The following KCNN2 variants were observed in gnomAD, a reference collection of about 807,000 sequenced individuals.
The protein encoded by KCNN2 is potassium calcium-activated channel subfamily N member 2, also known as small conductance calcium-activated potassium channel protein 2.
KCNN2 carries 24 observed loss-of-function variants against 55.5 expected under a neutral mutation model. The ratio of observed to expected loss-of-function variants is 0.43; its 90% CI spans 0.31 to 0.61. The LOEUF is 0.61. KCNN2 is among the 20% of genes least tolerant of loss of function. The pLI, the probability that KCNN2 is intolerant of heterozygous loss-of-function variation, is 0.08. For synonymous variants in KCNN2, 431 were observed against 336.1 expected (o/e 1.28, Z -3.09); for missense variants, 754 against 853.6 (o/e 0.88, Z 1.45).
intron 5 of KCNN2, among the ~76,000 whole-genome samples, chr5:114,479,389 C>G (rs1762120800): frequency 6.6e-6 from 1 of 152,142 alleles, no homozygotes; most frequent in Non-Finnish European, 1.5e-5. Flanking sequence ...GCACCCAATA[C>G]AGGAACACCC....
intron 2 of KCNN2, among the ~76,000 whole-genome samples, chr5:114,295,589 A>G (rs924751334): frequency 1.3e-5 from 2 of 152,280 alleles, no homozygotes; most frequent in East Asian, 3.9e-4. Flanking sequence ...CAGATTTTCC[A>G]GGTGCCATCT....
chr5:114,470,259 A>G (rs1026740508), intron 4 of KCNN2, among the ~76,000 whole-genome samples: 6 of 152,154 alleles, frequency 3.9e-5, no homozygotes, highest in African/African-American at 1.2e-4. Flanking sequence ...CCAGGGGAGA[A>G]CAATATTCAA....
At chr5:114,098,644 G>A (rs773213774) in intron 1 of KCNN2, among the ~76,000 whole-genome samples, 27 of 151,664 alleles carry the variant, frequency 1.8e-4, no homozygotes, top group South Asian at 4.2e-4. Flanking sequence ...TGTCTCCCAC[G>A]AAACTGGTCC....
rs1760605485 is a variant in KCNN2, at chr5:114,450,075, AC to A, written c.1638-12972del. Among the ~76,000 whole-genome samples, 3 of 152,164 alleles carry A rather than the reference AC, an allele frequency of 2.0e-5. No individual in the cohort carries two copies. The South Asian group carries it at 6.2e-4, about 32-fold the overall frequency. On this transcript the variant is annotated intron_variant, in intron 3 of 7. Coordinates refer to ENST00000673685, the MANE Select transcript of KCNN2 (RefSeq NM_021614.4). ...GGGGATAAACTGGTGTGGCACTGCC[AC>A]CTAGTGACTGCCCGCCACACCGTTC...
At chr5:114,321,670 GT>G (rs1756616592) in intron 2 of KCNN2, among the ~76,000 whole-genome samples, 1 of 149,986 alleles carries the variant, frequency 6.7e-6, no homozygotes, top group Admixed American at 6.6e-5. Context: ...TTTTGTTGTT[GT>G]TTGTTTGTTT....
At chr5:114,372,395 A>G (rs1561592378) in intron 2 of KCNN2, among the ~76,000 whole-genome samples, 1 of 152,128 alleles carries the variant, frequency 6.6e-6, no homozygotes, top group Non-Finnish European at 1.5e-5. Flanking sequence ...ACATTTCTCT[A>G]GTTTGTGTAC....
intron 1 of KCNN2, among the ~76,000 whole-genome samples, chr5:114,099,679 A>G (rs1751335297): frequency 6.6e-6 from 1 of 152,078 alleles, no homozygotes; most frequent in Admixed American, 6.6e-5. Flanking sequence ...TTCATTGGCA[A>G]TTGTGCTATT....
chr5:114,248,949 A>G (rs1465266526), intron 2 of KCNN2, among the ~76,000 whole-genome samples: 1 of 152,212 alleles, frequency 6.6e-6, no homozygotes, highest in Non-Finnish European at 1.5e-5. Flanking sequence ...CAATTATGCC[A>G]TGACAGCAGG....
intron 4 of KCNN2, among the ~76,000 whole-genome samples, chr5:114,467,315 T>C (rs1257197076): frequency 2.6e-5 from 4 of 152,206 alleles, no homozygotes; most frequent in African/African-American, 9.6e-5. Flanking sequence ...CATTTGAGGA[T>C]TTGTTTTCCC....
At chr5:114,284,778 A>G (rs1183713819) in intron 2 of KCNN2, among the ~76,000 whole-genome samples, 1 of 151,614 alleles carries the variant, frequency 6.6e-6, no homozygotes, top group Admixed American at 6.6e-5. Flanking sequence ...TTAGCCTCCC[A>G]AAGTGCTAGG....
intron 3 of KCNN2, among the ~76,000 whole-genome samples, chr5:114,432,452 A>C (rs1418812716): frequency 1.3e-5 from 2 of 152,072 alleles, no homozygotes; most frequent in African/African-American, 4.8e-5. Flanking sequence ...CTTTTAATTC[A>C]TATGTGTCTT....
chr5:114,249,954 G>T (rs1754826086), intron 2 of KCNN2, among the ~76,000 whole-genome samples: 1 of 152,050 alleles, frequency 6.6e-6, no homozygotes, highest in Admixed American at 6.6e-5. Context: ...CATATGATAC[G>T]TATAACATTC....
intron 2 of KCNN2, among the ~76,000 whole-genome samples, chr5:114,325,992 G>T (rs898816679): frequency 2.6e-5 from 4 of 152,322 alleles, no homozygotes; most frequent in Non-Finnish European, 5.9e-5. Context: ...GCAGTTAAAT[G>T]CATGAATTCT....
chr5:114,337,105 T>G (rs1327296029), intron 2 of KCNN2, among the ~76,000 whole-genome samples: 1 of 152,210 alleles, frequency 6.6e-6, no homozygotes, highest in African/African-American at 2.4e-5. Context: ...TAAGAAGTTG[T>G]TGCAGTCATC....
At chr5:114,093,162 G>A (rs537667337) in intron 1 of KCNN2, among the ~76,000 whole-genome samples, 1 of 152,058 alleles carries the variant, frequency 6.6e-6, no homozygotes, top group East Asian at 1.9e-4. Context: ...ACTCTCTCAA[G>A]TTCAAGTTCT....
intron 2 of KCNN2, among the ~76,000 whole-genome samples, chr5:114,232,922 C>CTCGTTTTTTTTT (rs200715120): frequency 0.022 from 973 of 43,982 alleles, 2 homozygotes; most frequent in South Asian, 0.037. Context: ...TATATTGTTT[C>CTCGTTTTTTTTT]TTGTTTTTTT....
intron 2 of KCNN2, among the ~76,000 whole-genome samples, chr5:114,279,437 C>A (rs1213768093): frequency 6.6e-6 from 1 of 152,066 alleles, no homozygotes; most frequent in Non-Finnish European, 1.5e-5. Context: ...TCTCCTAATG[C>A]TATCCCTCCC....
intron 1 of KCNN2, among the ~76,000 whole-genome samples, chr5:114,109,788 G>C (rs183207285): frequency 4.6e-5 from 7 of 152,142 alleles, no homozygotes; most frequent in African/African-American, 7.2e-5. Flanking sequence ...TCACCATCTG[G>C]GGATGTGTTC....
At chr5:114,417,758 C>A (rs970439102) in intron 3 of KCNN2, among the ~76,000 whole-genome samples, 1 of 152,144 alleles carries the variant, frequency 6.6e-6, no homozygotes, top group African/African-American at 2.4e-5. Context: ...GAGATGAGTT[C>A]CCTCTGCAGG....
Sources: allele counts gnomAD v4.1 joint callset (sites outside exome capture counted in the v4.1 genomes callset), GRCh38; gene constraint gnomAD v4.1.1; transcripts MANE v1.5; gene names NCBI Gene and HGNC (gene_info 2026-07-23, HGNC 2026-07-21).